ADH6: variants seen among roughly 807,000 people sequenced by gnomAD.
ADH6 encodes the protein alcohol dehydrogenase 6 (class V), also known as alcohol dehydrogenase 6.
A neutral mutation model predicts 36.5 loss-of-function variants in ADH6; 34 were observed. The observed-to-expected ratio is 0.93, with a 90% CI of 0.71 to 1.24. The LOEUF is 1.24. ADH6 is among the 50% of genes most tolerant of loss of function. ADH6 has a pLI of 0.00. For synonymous variants in ADH6, 161 were observed against 155.5 expected, an observed-to-expected ratio of 1.04 and a Z score of -0.26; for missense variants, 440 against 447.0, an observed-to-expected ratio of 0.98 and a Z score of 0.14.
chr4:99,205,285 C>T (rs1166478447), intron 7 of ADH6, among the ~76,000 whole-genome samples: 1 of 152,052 alleles, frequency 6.6e-6, no homozygotes, highest in Non-Finnish European at 1.5e-5. Context: ...AGAATTAATT[C>T]AAAGCAGATA....
Position 99,214,086 on chromosome 4 carries a change from C to T in ADH6, c.121-339G>A, listed in dbSNP as rs145396962. On this transcript the variant is annotated intron_variant, in intron 2 of 8. Transcript: ENST00000394899. ...AGATGGAAGTGTGGAGGAGAAAGAA[C>T]GACTATAAAAATAAAGGAATTGAGC... 1.4e-3 allele frequency among the ~76,000 whole-genome samples: 217 copies of T among 152,026 alleles called. 2 individuals carry two copies. The highest frequency in any genetic ancestry group is 2.5e-3 in the Non-Finnish European group (167 of 67,986).
In ADH6 at chr4:99,213,620, C is replaced by T. The variant is rs1208389748; in HGVS notation, c.248G>A (p.Ser83Asn). The T allele has an allele frequency of 6.2e-7, 1 of 1,610,608 alleles. No individual in the cohort carries two copies. The highest frequency in any genetic ancestry group is 1.3e-5 in the African/African-American group (1 of 74,728). Reference protein sequence around the residue: ...GIVESIGEGVSTVKPGDKVIT... With the variant: ...GIVESIGEGVNTVKPGDKVIT... Reference sequence around the variant, plus strand: ...CTAATTCCTACCTGGTTTCACTGTGCTTACTCCTTCTCCAATACTCTCAAC... The same window carrying T: ...CTAATTCCTACCTGGTTTCACTGTGTTTACTCCTTCTCCAATACTCTCAAC... The change falls in exon 3 of 9, where the codon AGC becomes AAC. Residue 83 changes from serine to asparagine, a missense_variant. By Grantham distance (46) the Ser-to-Asn change is conservative. Coordinates refer to ENST00000394899, the MANE Select transcript of ADH6 (RefSeq NM_001102470.2).
chr4:99,210,008 T>C, intron 5 of ADH6, 74 bp downstream of exon 5: 1 of 1,467,792 alleles, frequency 6.8e-7, no homozygotes, highest in East Asian at 2.3e-5. Flanking sequence ...TGATAAGAGA[T>C]GACAAAGATG....
intron 5 of ADH6, among the ~76,000 whole-genome samples, chr4:99,209,454 T>A (rs1419314518): frequency 6.6e-6 from 1 of 152,132 alleles, no homozygotes; most frequent in Non-Finnish European, 1.5e-5. Context: ...TTGGGACTGA[T>A]GGACACTGGA....
intron 1 of ADH6, among the ~76,000 whole-genome samples, chr4:99,218,555 CTG>C (rs1443475517): frequency 6.6e-6 from 1 of 152,214 alleles, no homozygotes; most frequent in African/African-American, 2.4e-5. Context: ...GATTTTCTCT[CTG>C]TCAGTCTCTC....
chr4:99,213,792 A>C lies in ADH6; in HGVS notation c.121-45T>G, dbSNP rs1416716460. The C allele has an allele frequency of 2.0e-6, 3 of 1,496,232 alleles. No individual in the cohort carries two copies. In the South Asian group the frequency reaches 4.3e-5, roughly 22 times the overall value. The allele number at this position is 1,496,232 out of a possible 1,614,324, so 92.7% of individuals were successfully genotyped here. ...TACTGCAGTTCCCGCTGTTTCAGAT[A>C]ATGGTGTTTTAGAGTTGTTGACTGT... On this transcript the variant is annotated intron_variant, in intron 2 of 8. Transcript: ENST00000394899.
At chr4:99,217,227 G>A (rs966115673) in intron 1 of ADH6, among the ~76,000 whole-genome samples, 17 of 151,952 alleles carry the variant, frequency 1.1e-4, no homozygotes, top group South Asian at 2.1e-4. Flanking sequence ...TAGTAGAGAC[G>A]GGGTTTCACT....
chr4:99,208,212 A>T (rs1207749180), intron 6 of ADH6, among the ~76,000 whole-genome samples: 1 of 152,168 alleles, frequency 6.6e-6, no homozygotes, highest in Non-Finnish European at 1.5e-5. Flanking sequence ...CCCAAAGAAA[A>T]CAAGCCTTAG....
chr4:99,211,839 AG>A (rs1731237359), intron 3 of ADH6, among the ~76,000 whole-genome samples: 1 of 152,068 alleles, frequency 6.6e-6, no homozygotes, highest in African/African-American at 2.4e-5. Context: ...GAGCAATTTC[AG>A]GGAGCCGACC....
At chr4:99,207,848 A>T (rs1032582836) in intron 6 of ADH6, among the ~76,000 whole-genome samples, 1 of 152,146 alleles carries the variant, frequency 6.6e-6, no homozygotes, top group African/African-American at 2.4e-5. Flanking sequence ...CACAGTAGTG[A>T]TAATAATAAA....
At chr4:99,218,225 A>T (rs1731517966) in intron 1 of ADH6, among the ~76,000 whole-genome samples, 1 of 152,024 alleles carries the variant, frequency 6.6e-6, no homozygotes, top group East Asian at 1.9e-4. Context: ...AGTGGACAAA[A>T]CACTCAATAT....
At chr4:99,212,783 C>CT (rs1305611082) in intron 3 of ADH6, among the ~76,000 whole-genome samples, 6 of 150,414 alleles carry the variant, frequency 4.0e-5, no homozygotes, top group Non-Finnish European at 7.4e-5. Flanking sequence ...TTTTGTTTGC[C>CT]TTTTTTTATT....
chr4:99,209,572 G>T, intron 5 of ADH6, among the ~76,000 whole-genome samples: 1 of 152,060 alleles, frequency 6.6e-6, no homozygotes, highest in East Asian at 1.9e-4. Flanking sequence ...GCCAGAGTGG[G>T]ATCCCCTGGT....
chr4:99,210,116 GA>G lies in ADH6; in HGVS notation c.532del (p.Ser178ProfsTer13), dbSNP rs1172887150. The G allele has an allele frequency of 3.1e-6, 5 of 1,613,710 alleles. No homozygotes were observed. The highest frequency in any genetic ancestry group is 4.2e-6 in the Non-Finnish European group (5 of 1,179,754). On this transcript the variant is annotated frameshift_variant, in exon 5 of 9. Transcript: ENST00000394899. LOFTEE classifies it high-confidence loss of function. ...ATTGATTGCAGCACCAAACCCAGTGGAAAAGCCACAGCTAATTAGGCATACT... is the reference window on the plus strand; with the variant it reads ...ATTGATTGCAGCACCAAACCCAGTGGAAAGCCACAGCTAATTAGGCATACT... ...EKVCLISCGF[S>X]TGFGAAINTA...
Position 99,202,644 on chromosome 4 carries a change from T to G in ADH6, c.*1575A>C. 2.5e-6 allele frequency: 1 copy of G among 397,494 alleles called. No individual in the cohort carries two copies. Among genetic ancestry groups the G allele is most frequent in the Non-Finnish European group, 4.4e-6 (1 of 225,204 alleles). The allele number at this position is 397,494 out of a possible 1,614,324, so 24.6% of individuals were successfully genotyped here. On this transcript the variant is annotated 3_prime_UTR_variant, in exon 9 of 9. Transcript: ENST00000394899. Reference sequence around the variant, plus strand: ...CCATAACAAGACATTCAAAGTGGCTTAAGGAACCGAGCTTTATTGGAGCAA... The same window carrying G: ...CCATAACAAGACATTCAAAGTGGCTGAAGGAACCGAGCTTTATTGGAGCAA...
In ADH6 at chr4:99,210,487, G is replaced by A. The variant is rs768255293; in HGVS notation, c.278C>T (p.Thr93Ile). Residue 93 changes from threonine to isoleucine, a missense_variant, in exon 4 of 9, where the codon ACA (threonine) becomes ATA (isoleucine). Coordinates refer to ENST00000394899, the MANE Select transcript of ADH6 (RefSeq NM_001102470.2). ...TTCTCCACACTGTGGCAGAAAGAGT[G>A]TGATAACTTTGTCACCTAAAAGAGC... The part of the protein sequence containing the change: ...STVKPGDKVI[T>I]LFLPQCGECT... 2 of 1,611,086 alleles carry A rather than the reference G, an allele frequency of 1.2e-6. No homozygotes were observed. The highest frequency in any genetic ancestry group is 3.3e-5 in the Admixed American group (2 of 59,892).
chr4:99,216,005 A>G, intron 2 of ADH6, 156 bp downstream of exon 2: 1 of 442,902 alleles, frequency 2.3e-6, no homozygotes, highest in Non-Finnish European at 3.9e-6. Context: ...GGATTTAAAA[A>G]TTGATGGAAA....
At chr4:99,212,881 A>G (rs145110520) in intron 3 of ADH6, among the ~76,000 whole-genome samples, 1,895 of 151,990 alleles carry the variant, frequency 0.012, 18 homozygotes, top group Non-Finnish European at 0.02. Flanking sequence ...TTTTTTTTAA[A>G]CATGCAGAAT....
rs141122158 is a variant in ADH6, at chr4:99,210,287, G to A, written c.362C>T (p.Thr121Ile). Reference protein sequence around the residue: ...NFCIQFKQSKTQLMSDGTSRF... With the variant: ...NFCIQFKQSKIQLMSDGTSRF... ...GCTGGTACCATCAGACATCAGTTGGGTTTTTGACTGTCTTTTATAGACAAA... is the reference window on the plus strand; with the variant it reads ...GCTGGTACCATCAGACATCAGTTGGATTTTTGACTGTCTTTTATAGACAAA... Residue 121 changes from threonine (T) to isoleucine (I), a missense_variant, in exon 5 of 9, where the codon ACC becomes ATC. Thr to Ile is a moderately conservative substitution (Grantham distance 89). Coordinates refer to ENST00000394899, the MANE Select transcript of ADH6 (RefSeq NM_001102470.2). The A allele has an allele frequency of 4.6e-5, 75 of 1,613,486 alleles. 2 individuals are homozygous for A. The Middle Eastern group carries it at 8.3e-4, about 18-fold the overall frequency.
Sources: gnomAD v4.1 joint callset for allele counts (sites outside exome capture counted in the v4.1 genomes callset) on GRCh38, gnomAD v4.1.1 for gene constraint, MANE v1.5 for transcripts, NCBI Gene and HGNC (gene_info 2026-07-23, HGNC 2026-07-21) for gene names.